CADPS: variants seen among roughly 807,000 people sequenced by gnomAD.
CADPS encodes the protein calcium-dependent secretion activator 1.
CADPS carries 57 observed loss-of-function variants against 167.3 expected under a neutral mutation model. The observed-to-expected ratio is 0.34, with a 90% CI of 0.28 to 0.42. CADPS has a LOEUF of 0.42. Among genes scored for constraint, CADPS ranks in the 20% least tolerant of loss-of-function variants. CADPS has a pLI of 1.00. For missense variants in CADPS, 1,414 were observed against 1,738.1 expected (o/e 0.81, Z 3.32); for synonymous variants, 676 against 635.3 (o/e 1.06, Z -0.96).
intron 27 of CADPS, chr3:62,439,075 T>G (rs987182345): frequency 5.3e-5 from 8 of 152,000 alleles, no homozygotes; most frequent in South Asian, 2.1e-4. Flanking sequence ...AGAAACCTAT[T>G]AAAACACTGT....
intron 27 of CADPS, among the ~76,000 whole-genome samples, chr3:62,444,922 T>C (rs987730714): frequency 3.3e-5 from 5 of 152,222 alleles, no homozygotes; most frequent in African/African-American, 7.2e-5. Flanking sequence ...GCTGTTGAGA[T>C]AAGCTCTCTA....
At chr3:62,657,774 GT>G (rs1438053333) in intron 4 of CADPS, among the ~76,000 whole-genome samples, 1 of 152,152 alleles carries the variant, frequency 6.6e-6, no homozygotes, top group African/African-American at 2.4e-5. Context: ...AAGGTTGTGG[GT>G]AAGGAAAAGT....
chr3:62,702,776 T>A (rs2081625960), intron 3 of CADPS, among the ~76,000 whole-genome samples: 1 of 152,130 alleles, frequency 6.6e-6, no homozygotes, highest in African/African-American at 2.4e-5. Flanking sequence ...TAAACTTGCA[T>A]ATAATTTTAA....
intron 11 of CADPS, among the ~76,000 whole-genome samples, chr3:62,543,692 T>C (rs756630477): frequency 6.6e-6 from 1 of 152,028 alleles, no homozygotes; most frequent in Non-Finnish European, 1.5e-5. Context: ...GAAAAGACTA[T>C]CATTAAATGG....
At chr3:62,568,212 G>T (rs1461434084) in intron 9 of CADPS, among the ~76,000 whole-genome samples, 1 of 152,208 alleles carries the variant, frequency 6.6e-6, no homozygotes, top group African/African-American at 2.4e-5. Context: ...GTTAATATTA[G>T]GTGTCCACTT....
chr3:62,831,700 T>A (rs1195926938), intron 1 of CADPS, among the ~76,000 whole-genome samples: 3 of 152,162 alleles, frequency 2.0e-5, no homozygotes, highest in Admixed American at 6.6e-5. Flanking sequence ...TAGGAAGTGC[T>A]AAAAAATATT....
intron 3 of CADPS, among the ~76,000 whole-genome samples, chr3:62,700,780 G>C (rs925534041): frequency 2.0e-5 from 3 of 152,116 alleles, no homozygotes; most frequent in Non-Finnish European, 4.4e-5. Flanking sequence ...TGAACTCAAG[G>C]CTGCACAGTT....
chr3:62,784,079 C>T (rs2092117761), intron 1 of CADPS, among the ~76,000 whole-genome samples: 1 of 152,142 alleles, frequency 6.6e-6, no homozygotes, highest in Admixed American at 6.5e-5. Context: ...CATGATGACG[C>T]TTATCTTACC....
Position 62,443,815 on chromosome 3 carries a change from T to C in CADPS, c.3669+1950A>G, listed in dbSNP as rs147401071. Among the ~76,000 whole-genome samples, 868 of 152,314 alleles carry C rather than the reference T, an allele frequency of 5.7e-3. 6 individuals are homozygous for C. Among genetic ancestry groups the C allele is most frequent in the African/African-American group, 0.02 (818 of 41,568 alleles). ...TCTCTGGTATGTCTTCATAGTAGCA[T>C]GAAAATGGACTAATGCACCTAACGA... On this transcript the variant is annotated intron_variant, in intron 27 of 29. Coordinates refer to ENST00000383710, the MANE Select transcript of CADPS (RefSeq NM_003716.4).
chr3:62,405,459 A>T (rs894170330), intron 28 of CADPS, among the ~76,000 whole-genome samples: 12 of 142,316 alleles, frequency 8.4e-5, no homozygotes, highest in Admixed American at 2.3e-4. Context: ...AAAAAAAAAA[A>T]AAAAATAAAA....
chr3:62,552,395 A>G (rs1036877512), intron 10 of CADPS, among the ~76,000 whole-genome samples: 3 of 152,232 alleles, frequency 2.0e-5, no homozygotes, highest in Admixed American at 6.5e-5. Context: ...AAAATTAGTG[A>G]GAAGTAGGTG....
intron 6 of CADPS, among the ~76,000 whole-genome samples, chr3:62,615,037 C>G (rs1305846756): frequency 5.3e-5 from 8 of 152,116 alleles, no homozygotes; most frequent in Admixed American, 5.2e-4. Flanking sequence ...GAAAATTTGT[C>G]AAGGATACAG....
intron 3 of CADPS, among the ~76,000 whole-genome samples, chr3:62,746,491 C>T (rs502402): frequency 0.2 from 30,787 of 152,018 alleles, 3,925 homozygotes; most frequent in African/African-American, 0.36. Context: ...TACATGCCAC[C>T]ATGCCTGGCT....
At chr3:62,870,111 G>A (rs752020247) in intron 1 of CADPS, among the ~76,000 whole-genome samples, 3 of 152,050 alleles carry the variant, frequency 2.0e-5, no homozygotes, top group Non-Finnish European at 2.9e-5. Flanking sequence ...GCATAACAGC[G>A]GCTTCCCAAT....
At chr3:62,750,436 G>A (rs1421272928) in intron 3 of CADPS, among the ~76,000 whole-genome samples, 5 of 150,612 alleles carry the variant, frequency 3.3e-5, no homozygotes, top group Admixed American at 6.6e-5. Context: ...GGTAGTACTC[G>A]GAAATGGCAA....
At chr3:62,856,400 A>G (rs139037093) in intron 1 of CADPS, among the ~76,000 whole-genome samples, 1 of 152,226 alleles carries the variant, frequency 6.6e-6, no homozygotes, top group Admixed American at 6.5e-5. Context: ...TCAATGTCAT[A>G]AAGATATCAG....
intron 28 of CADPS, among the ~76,000 whole-genome samples, chr3:62,408,510 G>A (rs143693486): frequency 4.8e-4 from 73 of 152,162 alleles, no homozygotes; most frequent in Middle Eastern, 3.4e-3. Context: ...ACAGAAGATG[G>A]GTAATTAACA....
At position 62,558,176 on chromosome 3, in the gene CADPS, G is replaced by A. The variant is rs147782804; in HGVS notation, c.1645-663C>T. 3.3e-3 allele frequency among the ~76,000 whole-genome samples: 500 copies of A among 152,298 alleles called. 4 individuals are homozygous for A. The highest frequency in any genetic ancestry group is 0.011 in the African/African-American group (473 of 41,564). On this transcript the variant is annotated intron_variant, in intron 9 of 29. Transcript: ENST00000383710. ...AGTGACATGCTGTCACAAGCAATGA[G>A]CGCTTGATCGCTAGGTGCCAGTCAC...
chr3:62,643,274 T>G (rs1183520592), intron 6 of CADPS, among the ~76,000 whole-genome samples: 1 of 152,234 alleles, frequency 6.6e-6, no homozygotes, highest in East Asian at 1.9e-4. Context: ...ACTATTTTCC[T>G]CTGAGTATGG....
Sources: gnomAD v4.1 joint callset for allele counts (sites outside exome capture counted in the v4.1 genomes callset) on GRCh38, gnomAD v4.1.1 for gene constraint, MANE v1.5 for transcripts, NCBI Gene and HGNC (gene_info 2026-07-23, HGNC 2026-07-21) for gene names.